NEO1: variants seen among roughly 807,000 people sequenced by gnomAD.
NEO1 encodes the protein neogenin 1, also known as neogenin.
A neutral mutation model predicts 159.7 loss-of-function variants in NEO1; 63 were observed. That is an observed-to-expected ratio of 0.39 (90% CI 0.32 to 0.49). The LOEUF (loss-of-function observed/expected upper bound fraction) is 0.49, where lower values mean the gene tolerates loss of function less well. Ranked by LOEUF, NEO1 falls within the 20% of genes least tolerant of loss-of-function variation. The pLI, the probability that NEO1 is intolerant of heterozygous loss-of-function variation, is 0.85. For missense variants in NEO1, 1,615 were observed against 1,831.0 expected, an observed-to-expected ratio of 0.88 and a Z score of 2.15; for synonymous variants, 633 against 662.0, an observed-to-expected ratio of 0.96 and a Z score of 0.67.
intron 7 of NEO1, among the ~76,000 whole-genome samples, chr15:73,179,314 T>G (rs1031830766): frequency 6.6e-6 from 1 of 152,140 alleles, no homozygotes; most frequent in Non-Finnish European, 1.5e-5. Context: ...AGGCCCCTCT[T>G]TTTACGGATG....
chr15:73,250,272 C>A (rs970451501), intron 11 of NEO1, among the ~76,000 whole-genome samples: 2 of 151,708 alleles, frequency 1.3e-5, no homozygotes, highest in African/African-American at 4.8e-5. Flanking sequence ...AGGTCAAAAC[C>A]AGCATTTAAA....
At chr15:73,074,800 C>G (rs1010694707) in intron 1 of NEO1, among the ~76,000 whole-genome samples, 5 of 152,072 alleles carry the variant, frequency 3.3e-5, no homozygotes, top group Non-Finnish European at 7.4e-5. Context: ...ACACTGTTTG[C>G]TTTGCAAGCA....
At position 73,122,816 on chromosome 15, in the gene NEO1, C is replaced by G. The variant is rs776331244; in HGVS notation, c.724+16C>G. 1.2e-6 allele frequency: 2 copies of G among 1,612,796 alleles called. No homozygotes were observed. Among genetic ancestry groups the G allele is most frequent in the East Asian group, 4.5e-5 (2 of 44,868 alleles). On this transcript the variant is annotated intron_variant, in intron 3 of 28. Transcript: ENST00000261908. Reference sequence around the variant, plus strand: ...GTTCTTCCAGGTATTAACTCATTATCAGGACTGATGGTTTTATGTTTATGA... The same window carrying G: ...GTTCTTCCAGGTATTAACTCATTATGAGGACTGATGGTTTTATGTTTATGA...
At chr15:73,204,554 T>C (rs1324391572) in intron 7 of NEO1, among the ~76,000 whole-genome samples, 1 of 152,186 alleles carries the variant, frequency 6.6e-6, no homozygotes, top group Non-Finnish European at 1.5e-5. Context: ...CACACCCACG[T>C]TGAATCTACT....
intron 1 of NEO1, among the ~76,000 whole-genome samples, chr15:73,082,054 A>C (rs2069083289): frequency 6.6e-6 from 1 of 151,910 alleles, no homozygotes; most frequent in Admixed American, 6.6e-5. Flanking sequence ...TTGTATTTTT[A>C]GTAGAGATGG....
intron 19 of NEO1, among the ~76,000 whole-genome samples, chr15:73,273,500 A>T (rs1186174096): frequency 6.6e-6 from 1 of 152,056 alleles, no homozygotes; most frequent in Non-Finnish European, 1.5e-5. Context: ...TGTGGGTCAG[A>T]TAGATTCATG....
chr15:73,125,172 G>A (rs904143444), intron 3 of NEO1, among the ~76,000 whole-genome samples: 2 of 152,260 alleles, frequency 1.3e-5, no homozygotes, highest in Admixed American at 1.3e-4. Flanking sequence ...GTAAGGGAGA[G>A]TTGTGCTTGT....
chr15:73,104,610 T>G (rs944389149), intron 1 of NEO1, among the ~76,000 whole-genome samples: 1 of 152,244 alleles, frequency 6.6e-6, no homozygotes, highest in Admixed American at 6.5e-5. Context: ...ATTGATTTGA[T>G]AGCCAACAGA....
At chr15:73,261,753 G>A (rs1442703771) in intron 15 of NEO1, among the ~76,000 whole-genome samples, 1 of 152,132 alleles carries the variant, frequency 6.6e-6, no homozygotes, top group Non-Finnish European at 1.5e-5. Flanking sequence ...TCCAAGAAAA[G>A]TCACAATAGG....
At chr15:73,109,923 A>C (rs2070883208) in intron 1 of NEO1, among the ~76,000 whole-genome samples, 1 of 152,208 alleles carries the variant, frequency 6.6e-6, no homozygotes, top group Non-Finnish European at 1.5e-5. Flanking sequence ...TCAGCTGTGC[A>C]GGGCAGAGAG....
intron 3 of NEO1, among the ~76,000 whole-genome samples, chr15:73,125,616 C>G (rs761999451): frequency 5.9e-5 from 9 of 152,198 alleles, no homozygotes; most frequent in Non-Finnish European, 1.3e-4. Flanking sequence ...TTTGTCAAAA[C>G]TCAATATTAA....
intron 23 of NEO1, among the ~76,000 whole-genome samples, chr15:73,287,589 G>A (rs1198588594): frequency 6.6e-6 from 1 of 152,136 alleles, no homozygotes; most frequent in Non-Finnish European, 1.5e-5. Flanking sequence ...GGCAGTCTTC[G>A]AAGTTGTTCC....
chr15:73,293,478 T>G lies in NEO1; in HGVS notation c.3831T>G (p.His1277Gln). The G allele has an allele frequency of 6.2e-7, 1 of 1,614,152 alleles. No individual in the cohort carries two copies. The highest frequency in any genetic ancestry group is 8.5e-7 in the Non-Finnish European group (1 of 1,180,032). The change falls in exon 26 of 29, where the codon CAT becomes CAG. Residue 1277 changes from histidine to glutamine, a missense_variant. Transcript: ENST00000261908. ...GCCTCGCTTCTCCAGCTCGCAGTCA[T>G]CTCTACCACCCGGGCAGCCCATGGC... is the stretch of plus-strand genomic sequence containing the variant. ...SSSLASPARS[H>Q]LYHPGSPWPI... is the part of the protein sequence containing the mutation.
chr15:73,188,267 A>G, intron 7 of NEO1, among the ~76,000 whole-genome samples: 1 of 152,214 alleles, frequency 6.6e-6, no homozygotes, highest in South Asian at 2.1e-4. Context: ...TAGAACACTG[A>G]GAAAAATATC....
chr15:73,099,174 T>G (rs1234682872), intron 1 of NEO1, among the ~76,000 whole-genome samples: 1 of 152,214 alleles, frequency 6.6e-6, no homozygotes, highest in African/African-American at 2.4e-5. Flanking sequence ...TGGTGTCCTA[T>G]TCTTCTGATG....
chr15:73,258,008 C>T (rs985495269), intron 13 of NEO1, among the ~76,000 whole-genome samples: 6 of 152,302 alleles, frequency 3.9e-5, no homozygotes, highest in African/African-American at 7.2e-5. Context: ...TCCCCTACCA[C>T]GGGACAGGAT....
chr15:73,101,898 A>C (rs990227820), intron 1 of NEO1, among the ~76,000 whole-genome samples: 1 of 152,142 alleles, frequency 6.6e-6, no homozygotes, highest in African/African-American at 2.4e-5. Flanking sequence ...AACCAAGCTC[A>C]TGTCGTCTTT....
chr15:73,137,531 C>T (rs2031898952), intron 5 of NEO1, among the ~76,000 whole-genome samples: 2 of 152,186 alleles, frequency 1.3e-5, no homozygotes, highest in Non-Finnish European at 2.9e-5. Flanking sequence ...GCCTCTCCCT[C>T]TGTCACCTAG....
intron 3 of NEO1, among the ~76,000 whole-genome samples, 173 bp downstream of exon 3, chr15:73,122,973 A>G (rs557020028): frequency 6.6e-6 from 1 of 152,284 alleles, no homozygotes; most frequent in African/African-American, 2.4e-5. Flanking sequence ...CCTGGCCAAC[A>G]TGGCGAAACC....
Sources: allele counts gnomAD v4.1 joint callset (sites outside exome capture counted in the v4.1 genomes callset), GRCh38; gene constraint gnomAD v4.1.1; transcripts MANE v1.5; gene names NCBI Gene and HGNC (gene_info 2026-07-23, HGNC 2026-07-21).